PHYHIPL: variants seen among roughly 807,000 people sequenced by gnomAD.
The protein encoded by PHYHIPL is phytanoyl-CoA hydroxylase-interacting protein-like.
PHYHIPL carries 9 observed loss-of-function variants against 33.4 expected under a neutral mutation model. The observed-to-expected ratio is 0.27, with a 90% CI of 0.16 to 0.47. PHYHIPL has a LOEUF of 0.47. Among genes scored for constraint, PHYHIPL ranks in the 20% least tolerant of loss-of-function variants. The pLI is 0.99. For synonymous variants in PHYHIPL, 153 were observed against 154.1 expected (o/e 0.99, Z 0.05); for missense variants, 365 against 460.7 (o/e 0.79, Z 1.90).
chr10:59,187,777 T>C (rs1241412203), intron 1 of PHYHIPL, among the ~76,000 whole-genome samples: 1 of 152,208 alleles, frequency 6.6e-6, no homozygotes, highest in African/African-American at 2.4e-5. Flanking sequence ...TATTCACTGA[T>C]GGTAGTTTGT....
chr10:59,179,953 A>G (rs1292400226), intron 1 of PHYHIPL, among the ~76,000 whole-genome samples: 3 of 151,064 alleles, frequency 2.0e-5, no homozygotes, highest in Admixed American at 2.0e-4. Context: ...TTGCCCAGGT[A>G]TTACTCTGAA....
intron 1 of PHYHIPL, among the ~76,000 whole-genome samples, chr10:59,215,433 T>C (rs1236720372): frequency 6.6e-6 from 1 of 152,060 alleles, no homozygotes; most frequent in Non-Finnish European, 1.5e-5. Context: ...TTTAGAAACA[T>C]AGAAGTAATG....
chr10:59,231,870 C>T (rs895633860), intron 1 of PHYHIPL, among the ~76,000 whole-genome samples: 19 of 151,936 alleles, frequency 1.3e-4, no homozygotes, highest in African/African-American at 4.1e-4. Flanking sequence ...GACAACACTT[C>T]GATCGTATGC....
At position 59,247,582 on chromosome 10, in the gene PHYHIPL, T is replaced by TG; in HGVS notation, c.*1994dup. On this transcript the variant is annotated 3_prime_UTR_variant, in exon 5 of 5. Transcript: ENST00000373880. ...GGAAAATAAACTTTACTTTATATCA[T>TG]GGGTGAAAGTGATCATAACATTTCC... The TG allele has an allele frequency of 6.2e-7, 1 of 1,611,850 alleles. No homozygotes were observed. Among genetic ancestry groups the TG allele is most frequent in the Non-Finnish European group, 8.5e-7 (1 of 1,179,154 alleles).
chr10:59,207,534 C>A (rs1339363892), intron 1 of PHYHIPL, among the ~76,000 whole-genome samples: 5 of 152,210 alleles, frequency 3.3e-5, no homozygotes, highest in African/African-American at 1.2e-4. Context: ...CGCAGCTCAG[C>A]AAAGTCGCTG....
At chr10:59,186,005 A>G (rs564361518) in intron 1 of PHYHIPL, among the ~76,000 whole-genome samples, 2 of 152,208 alleles carry the variant, frequency 1.3e-5, no homozygotes, top group East Asian at 1.9e-4. Flanking sequence ...TTTTGTTGCC[A>G]TTGCTTTTGG....
intron 1 of PHYHIPL, among the ~76,000 whole-genome samples, chr10:59,209,079 G>A (rs377653863): frequency 6.6e-6 from 1 of 151,864 alleles, no homozygotes; most frequent in Non-Finnish European, 1.5e-5. Flanking sequence ...TACAGAGAAC[G>A]CCACAGAGAT....
At chr10:59,183,759 ATTT>A in intron 1 of PHYHIPL, 7 of 769,110 alleles carry the variant, frequency 9.1e-6, no homozygotes, top group Non-Finnish European at 1.1e-5. Flanking sequence ...GTAGTGGCTC[ATTT>A]AAAAGGGGCT....
chr10:59,185,219 T>G lies in PHYHIPL; in HGVS notation c.106+8260T>G, dbSNP rs904928879. 2.4e-3 allele frequency among the ~76,000 whole-genome samples: 361 copies of G among 152,102 alleles called. 1 individual carries two copies. The highest frequency in any genetic ancestry group is 7.9e-3 in the African/African-American group (326 of 41,502). ...TTTAGCCGGGATGGTCTCGATCTCC[T>G]GACCTCGTGATCCGCCCGCCTCGGC... is the stretch of plus-strand genomic sequence containing the variant. On this transcript the variant is annotated intron_variant, in intron 1 of 4. Coordinates refer to ENST00000373880, the MANE Select transcript of PHYHIPL (RefSeq NM_032439.4).
chr10:59,180,689 A>G lies in PHYHIPL; in HGVS notation c.106+3730A>G, dbSNP rs536481852. ...CGTGGAAAAAATGGAGGAAAAAAAG[A>G]TTTTATCTCTTTTACATATTTAAAA... is the stretch of plus-strand genomic sequence containing the variant. On this transcript the variant is annotated intron_variant, in intron 1 of 4. Coordinates refer to ENST00000373880, the MANE Select transcript of PHYHIPL (RefSeq NM_032439.4). Among the ~76,000 whole-genome samples the G allele has an allele frequency of 3.2e-3, 485 of 152,152 alleles. 2 individuals carry two copies. The highest frequency in any genetic ancestry group is 6.8e-3 in the Middle Eastern group (2 of 294).
chr10:59,202,791 G>T (rs1273277221), intron 1 of PHYHIPL, among the ~76,000 whole-genome samples: 4 of 152,160 alleles, frequency 2.6e-5, no homozygotes, highest in Non-Finnish European at 5.9e-5. Flanking sequence ...ATTTGAACCA[G>T]TTTGTCCATT....
At chr10:59,205,833 A>G (rs1414849147) in intron 1 of PHYHIPL, among the ~76,000 whole-genome samples, 3 of 152,220 alleles carry the variant, frequency 2.0e-5, no homozygotes, top group Non-Finnish European at 4.4e-5. Flanking sequence ...GTATTAAGCC[A>G]TAAGTCTTAG....
At chr10:59,223,693 C>G (rs1396468771) in intron 1 of PHYHIPL, among the ~76,000 whole-genome samples, 2 of 151,778 alleles carry the variant, frequency 1.3e-5, no homozygotes, top group African/African-American at 4.9e-5. Flanking sequence ...GACAGGGTCT[C>G]TGTCACCAAG....
In PHYHIPL at chr10:59,234,392, A is replaced by G. The variant is rs1840165195; in HGVS notation, c.195A>G (p.Ser65=). 1.9e-6 allele frequency: 3 copies of G among 1,604,210 alleles called. No homozygotes were observed. Among genetic ancestry groups the G allele is most frequent in the African/African-American group, 1.3e-5 (1 of 74,254 alleles). Residue 65 remains serine (S), a synonymous_variant, in exon 2 of 5, where the codon TCA becomes TCG. Transcript: ENST00000373880. ...AAATAAGCAATATAACGTGTGACTC[A>G]TTCAAGATTTCATGGGAAATGGATT... ...NIKISNITCD[S]FKISWEMDSK...
intron 1 of PHYHIPL, among the ~76,000 whole-genome samples, chr10:59,226,329 A>C (rs1839921535): frequency 6.6e-6 from 1 of 152,206 alleles, no homozygotes; most frequent in Admixed American, 6.5e-5. Flanking sequence ...GGACAGAAAC[A>C]GATCCAATAT....
intron 4 of PHYHIPL, 149 bp from the exon 5 acceptor site, chr10:59,244,908 T>C (rs761392004): frequency 5.4e-6 from 4 of 741,594 alleles, no homozygotes; most frequent in South Asian, 2.3e-5. Context: ...ATAGGTAATA[T>C]GTCAAAAGAT....
intron 1 of PHYHIPL, among the ~76,000 whole-genome samples, chr10:59,185,298 C>T (rs951612072): frequency 6.6e-6 from 1 of 152,090 alleles, no homozygotes; most frequent in Non-Finnish European, 1.5e-5. Context: ...CCGAACTCAT[C>T]ATTTTTTATG....
At chr10:59,204,334 G>A (rs891888119) in intron 1 of PHYHIPL, among the ~76,000 whole-genome samples, 1 of 148,956 alleles carries the variant, frequency 6.7e-6, no homozygotes, top group Non-Finnish European at 1.5e-5. Flanking sequence ...TGGTATTGAG[G>A]TGACAGTTCA....
intron 1 of PHYHIPL, among the ~76,000 whole-genome samples, chr10:59,186,531 C>A (rs978260191): frequency 5.3e-5 from 8 of 152,206 alleles, no homozygotes; most frequent in Non-Finnish European, 1.2e-4. Flanking sequence ...ATGGGGATGG[C>A]ATTGAATCTA....
Sources: allele counts gnomAD v4.1 joint callset (sites outside exome capture counted in the v4.1 genomes callset), GRCh38; gene constraint gnomAD v4.1.1; transcripts MANE v1.5; gene names NCBI Gene and HGNC (gene_info 2026-07-23, HGNC 2026-07-21).